Variants in SMCHD1 observed in about 807,000 individuals in gnomAD.
The protein encoded by SMCHD1 is structural maintenance of chromosomes flexible hinge domain containing 1.
In SMCHD1, 78 loss-of-function variants were observed where a neutral mutation model predicts 254.7. That is an observed-to-expected ratio of 0.31 (90% confidence interval 0.26 to 0.37). The LOEUF is 0.37. Ranked by LOEUF, SMCHD1 falls within the 10% of genes least tolerant of loss-of-function variation. The pLI is 1.00. For synonymous variants in SMCHD1, 766 were observed against 794.9 expected (o/e 0.96, Z 0.61); for missense variants, 1,840 against 2,408.1 (o/e 0.76, Z 4.94).
intron 28 of SMCHD1, 75 bp downstream of exon 28, chr18:2,740,896 T>G (rs1426201648): frequency 2.6e-6 from 2 of 766,050 alleles, no homozygotes; most frequent in African/African-American, 3.6e-5. Context: ...TGGGAAAAAC[T>G]AGTATAAGAA....
intron 15 of SMCHD1, 126 bp from the exon 16 acceptor site, chr18:2,707,437 A>G: frequency 1.9e-6 from 1 of 513,828 alleles, no homozygotes; most frequent in Non-Finnish European, 3.3e-6. Context: ...ATCGTAAAGA[A>G]TTCCAGATTT....
In SMCHD1 at chr18:2,700,529, T is replaced by G; in HGVS notation, c.1343-10T>G. The G allele has an allele frequency of 6.3e-7, 1 of 1,597,700 alleles. No homozygotes were observed. The highest frequency in any genetic ancestry group is 1.1e-5 in the South Asian group (1 of 87,516). Reference sequence around the variant, plus strand: ...ATAAACATTTTGTTCCATTTGCCCTTTTGATCTAGAATTAAAAGATGAAGA... The same window carrying G: ...ATAAACATTTTGTTCCATTTGCCCTGTTGATCTAGAATTAAAAGATGAAGA... On this transcript the variant is annotated splice_polypyrimidine_tract_variant and intron_variant, in intron 10 of 47. Coordinates refer to ENST00000320876, the MANE Select transcript of SMCHD1 (RefSeq NM_015295.3).
In SMCHD1 at chr18:2,792,200, A is replaced by G. The variant is rs753353870; in HGVS notation, c.5720-3749A>G. Reference sequence around the variant, plus strand: ...TGCCGCACAAGGCTGTCAAAAACAGATTGTATGTAAGACAGTGGTCCCATA... The same window carrying G: ...TGCCGCACAAGGCTGTCAAAAACAGGTTGTATGTAAGACAGTGGTCCCATA... On this transcript the variant is annotated intron_variant, in intron 45 of 47. Transcript: ENST00000320876. 3.9e-5 allele frequency among the ~76,000 whole-genome samples: 6 copies of G among 152,222 alleles called. No individual in the cohort carries two copies. In the South Asian group the frequency reaches 1.2e-3, roughly 31 times the overall value.
At position 2,735,379 on chromosome 18, in the gene SMCHD1, A is replaced by G. The variant is rs576005599; in HGVS notation, c.3276+2887A>G. 3.9e-5 allele frequency among the ~76,000 whole-genome samples: 6 copies of G among 152,302 alleles called. No individual in the cohort carries two copies. The South Asian group carries it at 1.2e-3, about 32-fold the overall frequency. On this transcript the variant is annotated intron_variant, in intron 25 of 47. Transcript: ENST00000320876. ...ACCATTCTCCTTGAGAACTGGAACA[A>G]GACAAGGATGCCTGCTCTCACCAAT... is the stretch of plus-strand genomic sequence containing the variant.
At chr18:2,751,445 T>G in intron 33 of SMCHD1, 52 bp downstream of exon 33, 1 of 999,692 alleles carries the variant, frequency 1.0e-6, no homozygotes, top group Non-Finnish European at 1.5e-6. Context: ...TACATTTAAC[T>G]TAAAACTAAG....
rs117972250 is a variant in SMCHD1, at chr18:2,706,623, A to C, written c.2063+153A>C. On this transcript the variant is annotated intron_variant, in intron 15 of 47. Coordinates refer to ENST00000320876, the MANE Select transcript of SMCHD1 (RefSeq NM_015295.3). ...GATGAACTTCTTGTTGAAAAAAATT[A>C]AGAGGTCTAGTTATACAAACAGAAT... 0.02 allele frequency: 9,516 copies of C among 486,124 alleles called. 148 individuals are homozygous for C. The highest frequency in any genetic ancestry group is 0.071 in the Middle Eastern group (238 of 3,352). 30.1% of individuals were successfully genotyped at this position (486,124 alleles called of 1,614,324 possible).
rs1347834391 is a variant in SMCHD1 at position 2,782,745 on chromosome 18, A to C, written c.5548-1705A>C. On this transcript the variant is annotated intron_variant, in intron 44 of 47. Transcript: ENST00000320876. ...GGGCAACAGAGCGAGACCACAACTC[A>C]AAAAAAAAAAAAAAAAAAAAAAAAA... Among the ~76,000 whole-genome samples the C allele has an allele frequency of 3.5e-3, 151 of 42,574 alleles. 2 individuals carry two copies. The highest frequency in any genetic ancestry group is 9.4e-3 in the Middle Eastern group (1 of 106). The allele number at this position is 42,574 out of a possible 152,430, so 27.9% of individuals were successfully genotyped here.
Position 2,795,993 on chromosome 18 carries a change from G to A in SMCHD1, c.5764G>A (p.Val1922Met). Residue 1922 changes from valine to methionine, a missense_variant, in exon 46 of 48, where the codon GTG becomes ATG. Coordinates refer to ENST00000320876, the MANE Select transcript of SMCHD1 (RefSeq NM_015295.3). ...TTCTGCTGTGTGCAAACTAGACAGTGTGAATAAGGATCTTAACAGTCAATT... is the reference window on the plus strand; with the variant it reads ...TTCTGCTGTGTGCAAACTAGACAGTATGAATAAGGATCTTAACAGTCAATT... ...YRSAVCKLDS[V>M]NKDLNSQLEY... The A allele has an allele frequency of 6.3e-7, 1 of 1,598,396 alleles. No individual in the cohort carries two copies. The highest frequency in any genetic ancestry group is 1.1e-5 in the South Asian group (1 of 88,184).
chr18:2,674,687 G>A (rs757181242), intron 5 of SMCHD1, among the ~76,000 whole-genome samples: 1 of 152,186 alleles, frequency 6.6e-6, no homozygotes, highest in Non-Finnish European at 1.5e-5. Flanking sequence ...AGATTCTTGA[G>A]ATATTAGTGG....
chr18:2,693,663 T>A (rs1282372945), intron 7 of SMCHD1, among the ~76,000 whole-genome samples: 1 of 152,178 alleles, frequency 6.6e-6, no homozygotes, highest in Non-Finnish European at 1.5e-5. Context: ...TTTTGAGACA[T>A]GCTTGTTGCC....
chr18:2,667,053 A>G (rs1482370278), intron 3 of SMCHD1, 22 bp downstream of exon 3: 7 of 1,515,460 alleles, frequency 4.6e-6, no homozygotes, highest in Non-Finnish European at 6.3e-6. Context: ...ATTCATACTA[A>G]TTTTGATAAA....
At chr18:2,727,623 T>C (rs951051194) in intron 22 of SMCHD1, among the ~76,000 whole-genome samples, 1 of 152,086 alleles carries the variant, frequency 6.6e-6, no homozygotes, top group African/African-American at 2.4e-5. Context: ...AACCTATGTT[T>C]GCTACTTACT....
rs192295199 is a variant in SMCHD1, at chr18:2,774,427, T to C, written c.5176-1307T>C. On this transcript the variant is annotated intron_variant, in intron 41 of 47. Coordinates refer to ENST00000320876, the MANE Select transcript of SMCHD1 (RefSeq NM_015295.3). ...GGATGTGTTTTGTTTTTTGGCTTTT[T>C]TTGAGACAGGATCTCACTCCTGTCG... 4.3e-3 allele frequency among the ~76,000 whole-genome samples: 655 copies of C among 152,250 alleles called. 4 individuals are homozygous for C. The highest frequency in any genetic ancestry group is 0.015 in the African/African-American group (630 of 41,534).
At chr18:2,685,904 G>A (rs2074041159) in intron 5 of SMCHD1, among the ~76,000 whole-genome samples, 1 of 152,142 alleles carries the variant, frequency 6.6e-6, no homozygotes, top group Non-Finnish European at 1.5e-5. Context: ...TTTGTCTTTT[G>A]ATAATGCTGC....
intron 17 of SMCHD1, among the ~76,000 whole-genome samples, chr18:2,717,196 C>T (rs1164449056): frequency 1.3e-5 from 2 of 152,158 alleles, no homozygotes; most frequent in African/African-American, 2.4e-5. Flanking sequence ...GTTCCCAATG[C>T]TCTCCAAGTC....
intron 34 of SMCHD1, among the ~76,000 whole-genome samples, chr18:2,753,490 G>T (rs1416245461): frequency 6.6e-6 from 1 of 152,168 alleles, no homozygotes; most frequent in Non-Finnish European, 1.5e-5. Context: ...AAATATAGAT[G>T]TGTATGTTAG....
intron 5 of SMCHD1, among the ~76,000 whole-genome samples, chr18:2,682,603 T>C (rs1236978436): frequency 6.6e-6 from 1 of 152,256 alleles, no homozygotes; most frequent in African/African-American, 2.4e-5. Flanking sequence ...ATTATGGGCG[T>C]GAGCCACCGC....
rs1395253796 is a variant in SMCHD1, at chr18:2,728,554, A to G, written c.2871A>G (p.Ser957=). 1.9e-6 allele frequency: 3 copies of G among 1,613,360 alleles called. No individual in the cohort carries two copies. In the Admixed American group the frequency reaches 5.0e-5, roughly 27 times the overall value. ...FPFQVEVLDE[S]DNITAQPKLI... ...TTCAGGTGGAAGTTTTAGATGAATC[A>G]GACAACATAACAGCACAACCAAAAT... Residue 957 remains serine (S), a synonymous_variant, in exon 23 of 48, where the codon TCA becomes TCG. Coordinates refer to ENST00000320876, the MANE Select transcript of SMCHD1 (RefSeq NM_015295.3).
At chr18:2,721,188 T>G (rs148116886) in intron 19 of SMCHD1, among the ~76,000 whole-genome samples, 1 of 152,298 alleles carries the variant, frequency 6.6e-6, no homozygotes, top group East Asian at 1.9e-4. Flanking sequence ...CTTTGTTGTT[T>G]GAGTATTTGA....
Sources: allele counts gnomAD v4.1 joint callset (sites outside exome capture counted in the v4.1 genomes callset), GRCh38; gene constraint gnomAD v4.1.1; transcripts MANE v1.5; gene names NCBI Gene and HGNC (gene_info 2026-07-23, HGNC 2026-07-21).